DNAH14: variants seen among roughly 807,000 people sequenced by gnomAD.
DNAH14 encodes axonemal beta dynein heavy chain 14.
A neutral mutation model predicts 520.9 loss-of-function variants in DNAH14; 478 were observed. The observed-to-expected ratio is 0.92, with a 90% CI of 0.85 to 0.99. DNAH14 has a LOEUF of 0.99. Among genes scored for constraint, DNAH14 ranks in the 50% least tolerant of loss-of-function variants. DNAH14 has a pLI of 0.00. For synonymous variants in DNAH14, 1,581 were observed against 1,757.2 expected, an observed-to-expected ratio of 0.90 and a Z score of 2.51; for missense variants, 4,831 against 5,234.5, an observed-to-expected ratio of 0.92 and a Z score of 2.38.
intron 17 of DNAH14, among the ~76,000 whole-genome samples, chr1:225,058,061 G>C (rs975664052): frequency 1.3e-5 from 2 of 152,122 alleles, no homozygotes; most frequent in Non-Finnish European, 2.9e-5. Flanking sequence ...AGTTAGGGAG[G>C]ATTCCCTCTT....
intron 60 of DNAH14, among the ~76,000 whole-genome samples, chr1:225,312,499 G>A (rs1015192529): frequency 1.3e-5 from 2 of 152,196 alleles, no homozygotes; most frequent in Non-Finnish European, 2.9e-5. Context: ...GGAGTGGTGA[G>A]AGAAGGCATC....
intron 1 of DNAH14, among the ~76,000 whole-genome samples, chr1:224,933,850 G>A (rs12567082): frequency 0.055 from 8,386 of 151,940 alleles, 470 homozygotes; most frequent in East Asian, 0.24. Context: ...GGAGTTTTGC[G>A]TCTATGTTCA....
At chr1:225,352,033 A>C in intron 72 of DNAH14, 150 bp downstream of exon 72, 1 of 633,614 alleles carries the variant, frequency 1.6e-6, no homozygotes, top group East Asian at 2.8e-5. Context: ...GTTATTCATT[A>C]TAATCCTCAT....
At chr1:225,356,974 A>C (rs554152705) in intron 73 of DNAH14, among the ~76,000 whole-genome samples, 1 of 152,308 alleles carries the variant, frequency 6.6e-6, no homozygotes, top group South Asian at 2.1e-4. Context: ...GAGTGTACAT[A>C]TAGGAAAACT....
At chr1:225,318,809 T>A in intron 61 of DNAH14, 132 bp downstream of exon 61, 1 of 867,310 alleles carries the variant, frequency 1.2e-6, no homozygotes, top group South Asian at 2.1e-5. Context: ...GGTTTAAGAT[T>A]TTTTACCCAT....
At chr1:225,358,187 A>G (rs1008918421) in intron 73 of DNAH14, among the ~76,000 whole-genome samples, 11 of 152,144 alleles carry the variant, frequency 7.2e-5, no homozygotes, top group South Asian at 4.1e-4. Flanking sequence ...CGAGGGGAAA[A>G]AATTTCTTTT....
At chr1:224,931,345 A>G (rs2058685219) in intron 1 of DNAH14, among the ~76,000 whole-genome samples, 1 of 152,176 alleles carries the variant, frequency 6.6e-6, no homozygotes, top group African/African-American at 2.4e-5. Flanking sequence ...TTATTGAAAA[A>G]TTTATTTTTA....
Position 225,340,645 on chromosome 1 carries a change from C to T in DNAH14, c.10622C>T (p.Ala3541Val). 1.3e-6 allele frequency: 2 copies of T among 1,551,284 alleles called. No individual in the cohort carries two copies. The highest frequency in any genetic ancestry group is 1.7e-4 in the Middle Eastern group (1 of 5,988). ...TTACTGGAGAGTATTTCCCTTGATG[C>T]CATAACTCTTGAAGAACTAGAGGAA... ...SKLLESISLDAITLEELEEKT... is the reference protein window; with the variant it reads ...SKLLESISLDVITLEELEEKT... The change falls in exon 69 of 86, where the codon GCC (alanine) becomes GTC (valine). Residue 3541 changes from alanine to valine, a missense_variant. Ala to Val is a moderately conservative substitution (Grantham distance 64, BLOSUM62 0). Transcript: ENST00000682510.
At chr1:225,043,466 C>G (rs1488110558) in intron 13 of DNAH14, among the ~76,000 whole-genome samples, 1 of 151,988 alleles carries the variant, frequency 6.6e-6, no homozygotes, top group Non-Finnish European at 1.5e-5. Flanking sequence ...GTAATGACAC[C>G]ATTATTCATT....
At chr1:225,192,614 C>A (rs999918115) in intron 37 of DNAH14, 82 bp from the exon 38 acceptor site, 3 of 1,014,866 alleles carry the variant, frequency 3.0e-6, no homozygotes, top group Non-Finnish European at 2.8e-6. Context: ...TCTCCTATAA[C>A]CTTTTAATAA....
intron 10 of DNAH14, among the ~76,000 whole-genome samples, chr1:225,009,913 T>C (rs1007231255): frequency 2.0e-5 from 3 of 152,224 alleles, no homozygotes; most frequent in African/African-American, 7.2e-5. Flanking sequence ...TATAGGTGTA[T>C]AGGAACGCTT....
chr1:225,282,003 G>C (rs139516109), intron 54 of DNAH14, among the ~76,000 whole-genome samples: 6 of 151,948 alleles, frequency 3.9e-5, no homozygotes, highest in Middle Eastern at 3.2e-3. Flanking sequence ...TAAAGATAGT[G>C]GATATTTTAA....
Position 224,960,505 on chromosome 1 carries a change from CTGTT to C in DNAH14, c.367+205_367+208del, listed in dbSNP as rs566382367. On this transcript the variant is annotated intron_variant, in intron 4 of 85. Coordinates refer to ENST00000682510, the MANE Select transcript of DNAH14 (RefSeq NM_001367479.1). ...TATTATGTTGAAAAATTGACAGAGA[CTGTT>C]TAATGACTGTTCTTAACTAAGAACA... 6.9e-4 allele frequency among the ~76,000 whole-genome samples: 105 copies of C among 152,172 alleles called. No homozygotes were observed. In the Middle Eastern group the frequency reaches 0.024, roughly 35 times the overall value.
chr1:225,078,800 CT>C lies in DNAH14; in HGVS notation c.2425-406del, dbSNP rs1558882785. Among the ~76,000 whole-genome samples the C allele has an allele frequency of 1.9e-4, 13 of 67,216 alleles. 1 individual carries two copies. The highest frequency in any genetic ancestry group is 3.9e-4 in the Non-Finnish European group (11 of 28,234). 44.1% of individuals were successfully genotyped at this position (67,216 alleles called of 152,430 possible). On this transcript the variant is annotated intron_variant, in intron 17 of 85. Transcript: ENST00000682510. ...TCTCTCTCTCTCTCTCTCTCTCTCT[CT>C]CTCTCTCTCTCTCTCTCTCTCTCCC...
At chr1:225,270,949 TTGAAA>T (rs1264333658) in intron 50 of DNAH14, 83 bp downstream of exon 50, 1 of 1,365,896 alleles carries the variant, frequency 7.3e-7, no homozygotes, top group African/African-American at 1.5e-5. Flanking sequence ...TCCACTAATA[TTGAAA>T]GAAAATTACT....
chr1:224,976,677 G>A (rs541685284), intron 8 of DNAH14, among the ~76,000 whole-genome samples: 6,298 of 149,734 alleles, frequency 0.042, 217 homozygotes, highest in Non-Finnish European at 0.061. Context: ...AGTGGGCGAA[G>A]GACATGAACA....
chr1:225,244,534 G>C (rs1013558098), intron 43 of DNAH14, among the ~76,000 whole-genome samples: 2 of 152,114 alleles, frequency 1.3e-5, no homozygotes, highest in Non-Finnish European at 2.9e-5. Context: ...TTCAGAACTT[G>C]TTATTGGTCT....
At chr1:225,080,843 A>G (rs973483722) in intron 19 of DNAH14, 95 bp downstream of exon 19, 5 of 1,321,070 alleles carry the variant, frequency 3.8e-6, no homozygotes, top group Non-Finnish European at 5.1e-6. Context: ...TTCTTTACCC[A>G]TTCTCAGGTT....
At chr1:225,048,928 A>T (rs1043871837) in intron 15 of DNAH14, among the ~76,000 whole-genome samples, 12 of 151,754 alleles carry the variant, frequency 7.9e-5, no homozygotes, top group African/African-American at 2.9e-4. Context: ...GTGTGTAGTG[A>T]TATCTTATTG....
Sources: gnomAD v4.1 joint callset for allele counts (sites outside exome capture counted in the v4.1 genomes callset) on GRCh38, gnomAD v4.1.1 for gene constraint, MANE v1.5 for transcripts, NCBI Gene and HGNC (gene_info 2026-07-23, HGNC 2026-07-21) for gene names.